The following C11orf54 variants were observed in gnomAD, a reference collection of about 807,000 sequenced individuals.
C11orf54 encodes the protein beta-keto-L-gulonate decarboxylase, also known as beta-keto L-gulonate decarboxylase.
A neutral mutation model predicts 35.5 loss-of-function variants in C11orf54; 29 were observed. The ratio of observed to expected loss-of-function variants is 0.82; its 90% CI spans 0.61 to 1.11. C11orf54 has a LOEUF of 1.11. Ranked by LOEUF, C11orf54 falls within the 50% of genes most tolerant of loss-of-function variation. C11orf54 has a pLI of 0.00. For synonymous variants in C11orf54, 108 were observed against 121.1 expected, an observed-to-expected ratio of 0.89 and a Z score of 0.71; for missense variants, 373 against 369.2, an observed-to-expected ratio of 1.01 and a Z score of -0.08.
intron 2 of C11orf54, 87 bp downstream of exon 2, chr11:93,747,535 C>G: frequency 5.6e-6 from 4 of 712,568 alleles, no homozygotes; most frequent in South Asian, 2.0e-5. Flanking sequence ...CTATATCTTA[C>G]TACTTATGTA....
At chr11:93,759,921 T>G in intron 8 of C11orf54, 63 bp downstream of exon 8, 1 of 1,007,972 alleles carries the variant, frequency 9.9e-7, no homozygotes, top group Non-Finnish European at 1.5e-6. Flanking sequence ...TAGGATAATC[T>G]TTAAGAACTA....
chr11:93,750,086 C>G (rs1293400541), intron 2 of C11orf54, among the ~76,000 whole-genome samples: 1 of 152,108 alleles, frequency 6.6e-6, no homozygotes, highest in Non-Finnish European at 1.5e-5. Flanking sequence ...GAAGGTAATC[C>G]TCACCCTCAC....
chr11:93,743,215 G>A (rs1019939334), intron 1 of C11orf54, among the ~76,000 whole-genome samples: 1 of 152,068 alleles, frequency 6.6e-6, no homozygotes, highest in Non-Finnish European at 1.5e-5. Flanking sequence ...TGGCCAGGCA[G>A]GTCTCGAACT....
intron 3 of C11orf54, among the ~76,000 whole-genome samples, chr11:93,752,359 G>A (rs1227513801): frequency 6.6e-6 from 1 of 152,160 alleles, no homozygotes; most frequent in African/African-American, 2.4e-5. Context: ...TTAGCTGGAT[G>A]CAGTGGTGTG....
intron 8 of C11orf54, among the ~76,000 whole-genome samples, chr11:93,760,599 T>C (rs1943406516): frequency 6.6e-6 from 1 of 152,322 alleles, no homozygotes; most frequent in East Asian, 1.9e-4. Context: ...TACTATACGC[T>C]AGAAAAAATA....
chr11:93,760,191 C>A (rs11600144), intron 8 of C11orf54, among the ~76,000 whole-genome samples: 1 of 152,250 alleles, frequency 6.6e-6, no homozygotes, highest in Non-Finnish European at 1.5e-5. Flanking sequence ...GTGATCCACC[C>A]ACCTCTGCCT....
At chr11:93,754,090 T>C in intron 5 of C11orf54, 53 bp downstream of exon 5, 1 of 1,516,138 alleles carries the variant, frequency 6.6e-7, no homozygotes, top group Non-Finnish European at 9.1e-7. Context: ...ATTTGGTTTG[T>C]CTTTTTGCTT....
rs537592559 is a variant in C11orf54 at position 93,743,467 on chromosome 11, G to A, written c.-98+1739G>A. Among the ~76,000 whole-genome samples the A allele has an allele frequency of 1.2e-3, 179 of 152,304 alleles. 1 individual carries two copies. The highest frequency in any genetic ancestry group is 4.1e-3 in the African/African-American group (169 of 41,556). On this transcript the variant is annotated intron_variant, in intron 1 of 8. Coordinates refer to ENST00000354421, the MANE Select transcript of C11orf54 (RefSeq NM_001286069.2). ...CTCAACTCCTCGCGGGAGGGGGGGC[G>A]CGAGTGAATGAGGCGGGAACTGGAG...
Position 93,754,074 on chromosome 11 carries a change from T to C in C11orf54, c.330+37T>C, listed in dbSNP as rs112740646. ...TAAGAAAATTATTTTACTTTATTGGTTTGACATTTGGTTTGTCTTTTTGCT... is the reference window on the plus strand; with the variant it reads ...TAAGAAAATTATTTTACTTTATTGGCTTGACATTTGGTTTGTCTTTTTGCT... On this transcript the variant is annotated intron_variant, in intron 5 of 8. Transcript: ENST00000354421. 1.4e-5 allele frequency: 22 copies of C among 1,558,858 alleles called. No homozygotes were observed. The African/African-American group carries it at 1.8e-4, about 13-fold the overall frequency.
At chr11:93,743,921 A>T (rs948258155) in intron 1 of C11orf54, among the ~76,000 whole-genome samples, 4 of 152,118 alleles carry the variant, frequency 2.6e-5, no homozygotes, top group African/African-American at 9.7e-5. Context: ...GTATTCCTGG[A>T]GTTTATGTGA....
chr11:93,764,402 G>A lies in C11orf54; in HGVS notation c.*2714G>A, dbSNP rs1245611369. On this transcript the variant is annotated 3_prime_UTR_variant, in exon 9 of 9. Coordinates refer to ENST00000354421, the MANE Select transcript of C11orf54 (RefSeq NM_001286069.2). ...ACAGCAGGTACACATGACCTTCCAA[G>A]GGGTGTGGGAATATTAGAACATCTA... 3 of 152,116 alleles carry A rather than the reference G, an allele frequency of 2.0e-5. No individual in the cohort carries two copies. Among genetic ancestry groups the A allele is most frequent in the African/African-American group, 7.2e-5 (3 of 41,426 alleles). 9.4% of individuals were successfully genotyped at this position (152,116 alleles called of 1,614,324 possible). A position where few individuals can be genotyped will look rare whatever the true frequency, so the allele number is the denominator to read the frequency against.
chr11:93,755,466 T>C (rs570917123), intron 6 of C11orf54, 80 bp downstream of exon 6: 4 of 1,477,328 alleles, frequency 2.7e-6, no homozygotes, highest in African/African-American at 1.4e-5. Flanking sequence ...GCCATAAATA[T>C]GGTTTTGCTA....
Position 93,762,634 on chromosome 11 carries a change from AAAC to A in C11orf54, c.*948_*950del, listed in dbSNP as rs1943527158. 6.6e-6 allele frequency: 1 copy of A among 152,212 alleles called. No homozygotes were observed. Among genetic ancestry groups the A allele is most frequent in the East Asian group, 1.9e-4 (1 of 5,198 alleles). The allele number at this position is 152,212 out of a possible 1,614,324, so 9.4% of individuals were successfully genotyped here. ...ATTTAAAATGTTTCTTAAATAAAAAAAACACAAACATTAGCAACTAGTTGGCTA... is the reference window on the plus strand; with the variant it reads ...ATTTAAAATGTTTCTTAAATAAAAAAACAAACATTAGCAACTAGTTGGCTA... On this transcript the variant is annotated 3_prime_UTR_variant, in exon 9 of 9. Coordinates refer to ENST00000354421, the MANE Select transcript of C11orf54 (RefSeq NM_001286069.2).
At chr11:93,757,610 A>G in intron 7 of C11orf54, 145 bp downstream of exon 7, 2 of 840,020 alleles carry the variant, frequency 2.4e-6, no homozygotes, top group Non-Finnish European at 3.6e-6. Context: ...GCTCACTGCA[A>G]CCTCCATCTC....
At chr11:93,750,521 C>T (rs921996347) in intron 3 of C11orf54, 77 bp downstream of exon 3, 1 of 1,098,686 alleles carries the variant, frequency 9.1e-7, no homozygotes, top group Non-Finnish European at 1.4e-6. Flanking sequence ...TTAAGGACAT[C>T]TTAAATTATC....
intron 3 of C11orf54, among the ~76,000 whole-genome samples, chr11:93,753,369 A>G (rs1163334910): frequency 6.8e-6 from 1 of 146,650 alleles, no homozygotes; most frequent in East Asian, 2.0e-4. Flanking sequence ...GATTTTTTTT[A>G]AAGAAATAAG....
chr11:93,756,042 C>G (rs1011397665), intron 6 of C11orf54, among the ~76,000 whole-genome samples: 1 of 151,474 alleles, frequency 6.6e-6, no homozygotes, highest in Non-Finnish European at 1.5e-5. Flanking sequence ...TGGCACATGC[C>G]TGTAGTCCCA....
chr11:93,761,204 A>G (rs572927835), intron 8 of C11orf54, among the ~76,000 whole-genome samples: 2 of 152,260 alleles, frequency 1.3e-5, no homozygotes, highest in Admixed American at 1.3e-4. Context: ...TGTTACATGA[A>G]AAAAAGTTAC....
At position 93,755,260 on chromosome 11, in the gene C11orf54, A is replaced by G; in HGVS notation, c.381A>G (p.Gly127=). The G allele has an allele frequency of 1.2e-6, 2 of 1,614,130 alleles. No homozygotes were observed. Among genetic ancestry groups the G allele is most frequent in the Non-Finnish European group, 1.7e-6 (2 of 1,180,010 alleles). The part of the protein sequence containing the change: ...TESEHKPPVN[G]SYFAHVNPAD... ...GTGAACACAAGCCTCCTGTAAATGG[A>G]AGTTACTTTGCCCATGTGAACCCTG... Residue 127 remains glycine, a synonymous_variant, in exon 6 of 9, where the codon GGA becomes GGG. Coordinates refer to ENST00000354421, the MANE Select transcript of C11orf54 (RefSeq NM_001286069.2).
Sources: allele counts gnomAD v4.1 joint callset (sites outside exome capture counted in the v4.1 genomes callset), GRCh38; gene constraint gnomAD v4.1.1; transcripts MANE v1.5; gene names NCBI Gene and HGNC (gene_info 2026-07-23, HGNC 2026-07-21).